The following SLC44A5 variants were observed in gnomAD, a reference collection of about 807,000 sequenced individuals.
The protein encoded by SLC44A5 is choline transporter-like protein 5.
SLC44A5 carries 57 observed loss-of-function variants against 101.8 expected under a neutral mutation model. The observed-to-expected ratio is 0.56, with a 90% confidence interval of 0.45 to 0.70. The LOEUF is 0.70. Ranked by LOEUF, SLC44A5 falls within the 30% of genes least tolerant of loss-of-function variation. The pLI, the probability that SLC44A5 is intolerant of heterozygous loss-of-function variation, is 0.00. For missense variants in SLC44A5, 737 were observed against 853.1 expected (o/e 0.86, Z 1.70); for synonymous variants, 281 against 290.9 (o/e 0.97, Z 0.35).
At chr1:75,438,817 AC>A (rs1012809422) in intron 2 of SLC44A5, among the ~76,000 whole-genome samples, 32 of 152,076 alleles carry the variant, frequency 2.1e-4, no homozygotes, top group African/African-American at 7.7e-4. Flanking sequence ...CACCTAACAC[AC>A]CATAAGCAAA....
chr1:75,476,600 T>C (rs1217860176), intron 2 of SLC44A5, among the ~76,000 whole-genome samples: 1 of 152,154 alleles, frequency 6.6e-6, no homozygotes, highest in East Asian at 1.9e-4. Context: ...GGAGATTATA[T>C]CCCACACCTG....
intron 2 of SLC44A5, among the ~76,000 whole-genome samples, chr1:75,488,389 T>A (rs1557839776): frequency 1.3e-5 from 2 of 152,110 alleles, no homozygotes; most frequent in Non-Finnish European, 2.9e-5. Context: ...TGGAACACAA[T>A]GCTAAGTATT....
intron 13 of SLC44A5, among the ~76,000 whole-genome samples, chr1:75,225,632 G>A (rs537974346): frequency 6.6e-6 from 1 of 152,182 alleles, no homozygotes; most frequent in Admixed American, 6.5e-5. Flanking sequence ...TACAATTTTG[G>A]TATTTATAAC....
At chr1:75,486,349 G>C (rs1228015791) in intron 2 of SLC44A5, among the ~76,000 whole-genome samples, 3 of 152,084 alleles carry the variant, frequency 2.0e-5, no homozygotes, top group African/African-American at 7.2e-5. Context: ...TGTGTGTGTA[G>C]AGGGAGTGAT....
chr1:75,203,863 T>C, intron 23 of SLC44A5, 30 bp from the exon 24 acceptor site: 4 of 1,531,398 alleles, frequency 2.6e-6, no homozygotes, highest in Non-Finnish European at 3.5e-6. Flanking sequence ...AGAGTAAATA[T>C]CAAAGCAGAA....
chr1:75,656,012 G>GA, the SLC44A5 span, among the ~76,000 whole-genome samples: 2 of 151,948 alleles, frequency 1.3e-5, no homozygotes, highest in African/African-American at 4.8e-5. Flanking sequence ...AGCAGCAAGA[G>GA]AAAAAAAGCA....
chr1:75,214,501 C>A, intron 20 of SLC44A5, 104 bp downstream of exon 20: 1 of 761,534 alleles, frequency 1.3e-6, no homozygotes, highest in African/African-American at 1.8e-5. Flanking sequence ...AGATAATATT[C>A]ATATCCAATA....
intron 2 of SLC44A5, among the ~76,000 whole-genome samples, chr1:75,453,748 C>A (rs1314821765): frequency 6.6e-6 from 1 of 152,014 alleles, no homozygotes; most frequent in African/African-American, 2.4e-5. Flanking sequence ...ATACAAAAGA[C>A]CCTCAGAGAC....
intron 7 of SLC44A5, among the ~76,000 whole-genome samples, chr1:75,250,337 C>T (rs1300605196): frequency 6.6e-6 from 1 of 152,084 alleles, no homozygotes; most frequent in Non-Finnish European, 1.5e-5. Context: ...TGACCTTGTT[C>T]TTTTTTATGG....
At position 75,213,700 on chromosome 1, in the gene SLC44A5, CT is replaced by C; in HGVS notation, c.1962+4del. 6.3e-7 allele frequency: 1 copy of C among 1,598,248 alleles called. No individual in the cohort carries two copies. ...GCCTGTACTGACTCAGACACCAGCTCTTACCAGCAAAGGTACCCAGTAGTAA... is the reference window on the plus strand; with the variant it reads ...GCCTGTACTGACTCAGACACCAGCTCTACCAGCAAAGGTACCCAGTAGTAA... On this transcript the variant is annotated splice_donor_region_variant and intron_variant, in intron 22 of 23. Coordinates refer to ENST00000370859, the MANE Select transcript of SLC44A5 (RefSeq NM_001130058.2).
At chr1:75,461,424 T>G (rs979127713) in intron 2 of SLC44A5, among the ~76,000 whole-genome samples, 1 of 152,192 alleles carries the variant, frequency 6.6e-6, no homozygotes, top group African/African-American at 2.4e-5. Flanking sequence ...ATATTATTAG[T>G]TCACTGGAGT....
intron 2 of SLC44A5, among the ~76,000 whole-genome samples, chr1:75,423,033 C>T (rs2101567588): frequency 6.6e-6 from 1 of 152,234 alleles, no homozygotes; most frequent in Admixed American, 6.5e-5. Context: ...AAGGCTTAAG[C>T]TAGTTCCATT....
At chr1:75,370,553 A>G (rs902539691) in intron 3 of SLC44A5, among the ~76,000 whole-genome samples, 1 of 152,218 alleles carries the variant, frequency 6.6e-6, no homozygotes, top group African/African-American at 2.4e-5. Context: ...TACAAAGTCA[A>G]TCTCAAAGGC....
intron 3 of SLC44A5, among the ~76,000 whole-genome samples, chr1:75,375,947 T>C (rs1660557089): frequency 1.3e-5 from 2 of 151,966 alleles, no homozygotes; most frequent in African/African-American, 4.8e-5. Flanking sequence ...CACTTGGGAG[T>C]GCCAGGCAGT....
intron 2 of SLC44A5, among the ~76,000 whole-genome samples, chr1:75,496,450 C>T (rs1668677181): frequency 6.6e-6 from 1 of 151,878 alleles, no homozygotes. Flanking sequence ...ACAATATACA[C>T]AAAAATCAAC....
At chr1:75,430,224 C>G (rs1257958657) in intron 2 of SLC44A5, among the ~76,000 whole-genome samples, 1 of 152,050 alleles carries the variant, frequency 6.6e-6, no homozygotes, top group African/African-American at 2.4e-5. Flanking sequence ...CCTTTTTCTT[C>G]CCTTTCCATC....
chr1:75,307,221 A>C (rs1347114925), intron 4 of SLC44A5, among the ~76,000 whole-genome samples: 1 of 152,070 alleles, frequency 6.6e-6, no homozygotes, highest in Non-Finnish European at 1.5e-5. Flanking sequence ...TCGGATGCTC[A>C]CCTCTCATTT....
intron 6 of SLC44A5, among the ~76,000 whole-genome samples, chr1:75,270,036 A>G (rs1198832197): frequency 1.3e-5 from 2 of 152,094 alleles, no homozygotes; most frequent in Non-Finnish European, 2.9e-5. Context: ...ACCGTGTAAG[A>G]CGTGCCTTTT....
chr1:75,679,539 A>G, the SLC44A5 span, among the ~76,000 whole-genome samples: 3 of 151,848 alleles, frequency 2.0e-5, no homozygotes, highest in African/African-American at 4.8e-5. Flanking sequence ...GAGAAATAAA[A>G]TACTTTACAG....
Sources: gnomAD v4.1 joint callset for allele counts (sites outside exome capture counted in the v4.1 genomes callset) on GRCh38, gnomAD v4.1.1 for gene constraint, MANE v1.5 for transcripts, NCBI Gene and HGNC (gene_info 2026-07-23, HGNC 2026-07-21) for gene names.